Variants in DCT observed in about 807,000 individuals in gnomAD.
The protein encoded by DCT is L-dopachrome tautomerase.
A neutral mutation model predicts 53.0 loss-of-function variants in DCT; 47 were observed. That is an observed-to-expected ratio of 0.89 (90% confidence interval 0.70 to 1.13). The LOEUF (loss-of-function observed/expected upper bound fraction) is 1.13. DCT is among the 50% of genes most tolerant of loss of function. The pLI, the probability that DCT is intolerant of heterozygous loss-of-function variation, is 0.00. For synonymous variants in DCT, 244 were observed against 237.0 expected, an observed-to-expected ratio of 1.03 and a Z score of -0.27; for missense variants, 669 against 637.4, an observed-to-expected ratio of 1.05 and a Z score of -0.53.
chr13:94,448,120 G>T (rs1882847864), intron 6 of DCT, among the ~76,000 whole-genome samples: 1 of 152,040 alleles, frequency 6.6e-6, no homozygotes, highest in South Asian at 2.1e-4. Flanking sequence ...GATAGTGTGT[G>T]CCTGTGGTCC....
At chr13:94,445,818 T>A in intron 6 of DCT, 2 of 1,267,464 alleles carry the variant, frequency 1.6e-6, no homozygotes, top group Non-Finnish European at 2.2e-6. Context: ...ATTCTCAGTG[T>A]GAGCTGAATT....
At chr13:94,454,861 C>G (rs961489477) in intron 6 of DCT, among the ~76,000 whole-genome samples, 4 of 152,108 alleles carry the variant, frequency 2.6e-5, no homozygotes, top group Non-Finnish European at 5.9e-5. Context: ...GAACTAGGCC[C>G]AAAACATTAT....
the DCT span, among the ~76,000 whole-genome samples, chr13:94,548,408 C>T: frequency 1.3e-5 from 2 of 152,096 alleles, no homozygotes; most frequent in East Asian, 3.8e-4. Flanking sequence ...AGAAAACAAG[C>T]AAGACCTAAG....
chr13:94,461,206 A>G (rs1225669166), intron 5 of DCT, among the ~76,000 whole-genome samples: 1 of 152,240 alleles, frequency 6.6e-6, no homozygotes, highest in Non-Finnish European at 1.5e-5. Context: ...CTTAACTGGC[A>G]TCATTTGGGA....
At chr13:94,463,753 T>A (rs1386612452) in intron 4 of DCT, among the ~76,000 whole-genome samples, 1 of 152,156 alleles carries the variant, frequency 6.6e-6, no homozygotes, top group East Asian at 1.9e-4. Context: ...GTGAGGGTTT[T>A]CATGAATTAG....
At chr13:94,540,475 T>C in the DCT span, among the ~76,000 whole-genome samples, 1 of 152,102 alleles carries the variant, frequency 6.6e-6, no homozygotes, top group South Asian at 2.1e-4. Context: ...AAGCACATAA[T>C]CTGATTTTAA....
Position 94,465,676 on chromosome 13 carries a change from T to TA in DCT, c.819dup (p.Ser274Ter). On this transcript the variant is annotated frameshift_variant, in exon 4 of 8. Transcript: ENST00000377028. LOFTEE classifies it high-confidence loss of function. Reference sequence around the variant, plus strand: ...CAGCTGGAGAATCTTGAGTTCCGACTAATCAGAGTCGGATCGTCTGGTCTC... The same window carrying TA: ...CAGCTGGAGAATCTTGAGTTCCGACTAAATCAGAGTCGGATCGTCTGGTCTC... 6.2e-7 allele frequency: 1 copy of TA among 1,613,642 alleles called. No homozygotes were observed. Among genetic ancestry groups the TA allele is most frequent in the Non-Finnish European group, 8.5e-7 (1 of 1,179,874 alleles).
the DCT span, among the ~76,000 whole-genome samples, chr13:94,523,594 G>A: frequency 9.5e-4 from 144 of 152,264 alleles, no homozygotes; most frequent in Admixed American, 2.2e-3. Context: ...CTTTGGGATA[G>A]GTTTGCATAG....
chr13:94,492,794 C>G, the DCT span, among the ~76,000 whole-genome samples: 2 of 152,194 alleles, frequency 1.3e-5, no homozygotes, highest in African/African-American at 4.8e-5. Flanking sequence ...TCTAATTAAT[C>G]TTTGGGTGTT....
chr13:94,522,973 G>A, the DCT span, among the ~76,000 whole-genome samples: 1 of 152,198 alleles, frequency 6.6e-6, no homozygotes, highest in African/African-American at 2.4e-5. Context: ...TTACATCTGG[G>A]AGGAAGTTGA....
At chr13:94,549,095 C>A in the DCT span, among the ~76,000 whole-genome samples, 1 of 152,206 alleles carries the variant, frequency 6.6e-6, no homozygotes, top group African/African-American at 2.4e-5. Context: ...CCTGGTGGCG[C>A]CACCCCAGGG....
At chr13:94,494,936 AT>A in the DCT span, among the ~76,000 whole-genome samples, 1 of 152,188 alleles carries the variant, frequency 6.6e-6, no homozygotes, top group Non-Finnish European at 1.5e-5. Context: ...GTCATAATTG[AT>A]TTAATTTCCC....
the DCT span, among the ~76,000 whole-genome samples, chr13:94,522,160 G>A: frequency 6.6e-6 from 1 of 152,182 alleles, no homozygotes; most frequent in African/African-American, 2.4e-5. Context: ...GCAAAGTATT[G>A]ATCCTAGATG....
the DCT span, among the ~76,000 whole-genome samples, chr13:94,516,036 C>CT: frequency 1.4e-5 from 2 of 140,432 alleles, no homozygotes; most frequent in African/African-American, 5.2e-5. Flanking sequence ...ACTCAAGCCC[C>CT]GCCCCCACCC....
the DCT span, among the ~76,000 whole-genome samples, chr13:94,500,801 T>G: frequency 6.6e-6 from 1 of 152,334 alleles, no homozygotes; most frequent in East Asian, 1.9e-4. Context: ...CAGTAAACAT[T>G]GCTCTTCACT....
chr13:94,512,081 G>A, the DCT span, among the ~76,000 whole-genome samples: 3 of 152,120 alleles, frequency 2.0e-5, no homozygotes, highest in African/African-American at 7.2e-5. Flanking sequence ...GGCTTTTAAA[G>A]GAAGTAGCCA....
At chr13:94,501,048 C>T in the DCT span, among the ~76,000 whole-genome samples, 1 of 151,918 alleles carries the variant, frequency 6.6e-6, no homozygotes, top group Admixed American at 6.6e-5. Context: ...GGGCAGATCA[C>T]GAGGTCAGCA....
intron 7 of DCT, among the ~76,000 whole-genome samples, chr13:94,441,751 C>T (rs41305262): frequency 6.6e-6 from 1 of 152,200 alleles, no homozygotes; most frequent in African/African-American, 2.4e-5. Context: ...CATCCACTAA[C>T]AGACACTTGG....
intron 6 of DCT, among the ~76,000 whole-genome samples, chr13:94,453,776 G>A (rs1472051321): frequency 6.6e-6 from 1 of 152,170 alleles, no homozygotes; most frequent in African/African-American, 2.4e-5. Context: ...CTGCCACCAT[G>A]TAAGATGTGC....
Sources: allele counts gnomAD v4.1 joint callset (sites outside exome capture counted in the v4.1 genomes callset), GRCh38; gene constraint gnomAD v4.1.1; transcripts MANE v1.5; gene names NCBI Gene and HGNC (gene_info 2026-07-23, HGNC 2026-07-21).